ZBTB16: variants seen among roughly 807,000 people sequenced by gnomAD.
ZBTB16 encodes zinc finger and BTB domain-containing protein 16.
Under a neutral mutation model 56.8 loss-of-function variants are expected in ZBTB16, and 8 were observed. That is an observed-to-expected ratio of 0.14 (90% CI 0.08 to 0.25). The LOEUF is 0.25. Ranked by LOEUF, ZBTB16 falls within the 10% of genes least tolerant of loss-of-function variation. The probability of loss-of-function intolerance (pLI) is 1.00; values close to 1 mark genes in which losing one functional copy is unlikely to be tolerated. For synonymous variants in ZBTB16, 363 were observed against 368.5 expected (o/e 0.98, Z 0.17); for missense variants, 625 against 903.0 (o/e 0.69, Z 3.95).
intron 4 of ZBTB16, among the ~76,000 whole-genome samples, chr11:114,222,826 A>G (rs1944255899): frequency 6.6e-6 from 1 of 152,170 alleles, no homozygotes; most frequent in African/African-American, 2.4e-5. Flanking sequence ...TATATCATAT[A>G]TATCACCGTC....
intron 2 of ZBTB16, among the ~76,000 whole-genome samples, chr11:114,107,688 T>C (rs947998189): frequency 6.6e-6 from 1 of 152,206 alleles, no homozygotes; most frequent in Non-Finnish European, 1.5e-5. Context: ...TGTGGAGATA[T>C]ATGCATCTTG....
At chr11:114,175,251 C>A (rs1365227121) in intron 3 of ZBTB16, among the ~76,000 whole-genome samples, 1 of 152,206 alleles carries the variant, frequency 6.6e-6, no homozygotes, top group Non-Finnish European at 1.5e-5. Flanking sequence ...CACTCCTTCC[C>A]TTCCAAGGAA....
intron 2 of ZBTB16, among the ~76,000 whole-genome samples, chr11:114,078,263 G>C (rs1939639169): frequency 6.6e-6 from 1 of 152,226 alleles, no homozygotes; most frequent in South Asian, 2.1e-4. Flanking sequence ...AGATGGGAAA[G>C]GGTGGAGGTT....
At chr11:114,067,244 A>C (rs1279406765) in intron 2 of ZBTB16, among the ~76,000 whole-genome samples, 3 of 151,962 alleles carry the variant, frequency 2.0e-5, no homozygotes, top group African/African-American at 4.8e-5. Flanking sequence ...ATTGGCTCTG[A>C]GTTCTAGTGT....
chr11:114,178,161 T>A lies in ZBTB16; in HGVS notation c.1367-8791T>A, dbSNP rs1349327444. Among the ~76,000 whole-genome samples, 17 of 152,304 alleles carry A rather than the reference T, an allele frequency of 1.1e-4. 1 individual carries two copies. In the East Asian group the frequency reaches 3.3e-3, roughly 29 times the overall value. On this transcript the variant is annotated intron_variant, in intron 3 of 6. Coordinates refer to ENST00000335953, the MANE Select transcript of ZBTB16 (RefSeq NM_006006.6). ...TTTGGCTGGAGAGGTAAGAATATTTTAAATTGCGTGATATATCTCTTGCAT... is the reference window on the plus strand; with the variant it reads ...TTTGGCTGGAGAGGTAAGAATATTTAAAATTGCGTGATATATCTCTTGCAT...
At chr11:114,082,435 A>G (rs1939801102) in intron 2 of ZBTB16, among the ~76,000 whole-genome samples, 2 of 152,214 alleles carry the variant, frequency 1.3e-5, no homozygotes, top group African/African-American at 4.8e-5. Flanking sequence ...GTTGCTCAAT[A>G]AATATAACTG....
At chr11:114,141,194 C>T (rs1400026816) in intron 2 of ZBTB16, among the ~76,000 whole-genome samples, 1 of 152,210 alleles carries the variant, frequency 6.6e-6, no homozygotes, top group Non-Finnish European at 1.5e-5. Context: ...GCCTCCATCA[C>T]ACGGTGCTCC....
At chr11:114,148,432 T>TGTCTGTCC (rs1942185485) in intron 2 of ZBTB16, among the ~76,000 whole-genome samples, 1 of 73,718 alleles carries the variant, frequency 1.4e-5, no homozygotes. Context: ...TCCCTCTCTC[T>TGTCTGTCC]CTCTTTCTCT....
intron 4 of ZBTB16, among the ~76,000 whole-genome samples, chr11:114,224,624 CAA>C (rs747252300): frequency 6.6e-6 from 1 of 151,942 alleles, no homozygotes; most frequent in East Asian, 1.9e-4. Flanking sequence ...GTTTATATAA[CAA>C]GAGAGTATAG....
At chr11:114,090,647 C>T (rs1277045128) in intron 2 of ZBTB16, among the ~76,000 whole-genome samples, 1 of 152,160 alleles carries the variant, frequency 6.6e-6, no homozygotes, top group Non-Finnish European at 1.5e-5. Context: ...TCCTGGGAGA[C>T]TCATTTTAAA....
At chr11:114,156,841 G>A (rs1026891812) in intron 3 of ZBTB16, among the ~76,000 whole-genome samples, 2 of 152,320 alleles carry the variant, frequency 1.3e-5, no homozygotes, top group South Asian at 2.1e-4. Flanking sequence ...TGGTTATAGC[G>A]TGCTGTCTTT....
chr11:114,100,931 A>C (rs534650457), intron 2 of ZBTB16, among the ~76,000 whole-genome samples: 1 of 151,630 alleles, frequency 6.6e-6, no homozygotes, highest in African/African-American at 2.4e-5. Flanking sequence ...TTTAATGAGG[A>C]GATACTCACG....
intron 2 of ZBTB16, among the ~76,000 whole-genome samples, chr11:114,069,147 G>A (rs1939235140): frequency 1.3e-5 from 2 of 152,100 alleles, no homozygotes; most frequent in Admixed American, 6.5e-5. Flanking sequence ...GTGCAGTGGC[G>A]CGATCTCAGC....
rs767961069 is a variant in ZBTB16 at position 114,064,503 on chromosome 11, C to T, written c.1203C>T (p.Thr401=). Residue 401 remains threonine, a synonymous_variant, in exon 2 of 7, where the codon ACC becomes ACT. Coordinates refer to ENST00000335953, the MANE Select transcript of ZBTB16 (RefSeq NM_006006.6). This position sits in a 1 kb window ranked among gnomAD's most constrained non-coding sequence, Gnocchi z 4.2. ...TGGGCATGAAGTCAGAGAGCCGGAC[C>T]ATCGGAGAGCAGTGCAGCGTGTGTG... ...LAVGMKSESR[T]IGEQCSVCGV... The T allele has an allele frequency of 6.2e-7, 1 of 1,614,072 alleles. No homozygotes were observed. The highest frequency in any genetic ancestry group is 1.1e-5 in the South Asian group (1 of 91,072).
At chr11:114,205,348 T>C (rs1375421375) in intron 4 of ZBTB16, among the ~76,000 whole-genome samples, 1 of 150,470 alleles carries the variant, frequency 6.6e-6, no homozygotes, top group Non-Finnish European at 1.5e-5. Flanking sequence ...AGGTGGAGCT[T>C]GCAGTGAGCC....
intron 2 of ZBTB16, among the ~76,000 whole-genome samples, chr11:114,115,241 A>G (rs866789983): frequency 6.6e-6 from 1 of 151,212 alleles, no homozygotes; most frequent in Non-Finnish European, 1.5e-5. Flanking sequence ...GGGACGGTGT[A>G]TGTCCTCCAG....
intron 5 of ZBTB16, among the ~76,000 whole-genome samples, chr11:114,243,358 T>TA (rs560670492): frequency 1.7e-4 from 26 of 152,302 alleles, no homozygotes; most frequent in Admixed American, 4.6e-4. Flanking sequence ...AGAGATTGAG[T>TA]ATGCAGACCA....
chr11:114,186,668 T>C (rs1439727244), intron 3 of ZBTB16, among the ~76,000 whole-genome samples: 1 of 152,062 alleles, frequency 6.6e-6, no homozygotes, highest in Non-Finnish European at 1.5e-5. Flanking sequence ...AGATCCTCCT[T>C]CTTCTTGAGG....
intron 2 of ZBTB16, among the ~76,000 whole-genome samples, chr11:114,147,043 GT>G (rs1448620881): frequency 6.6e-6 from 1 of 152,134 alleles, no homozygotes; most frequent in East Asian, 1.9e-4. Flanking sequence ...CTCTTATCTT[GT>G]GTTCATAATT....
Sources: gnomAD v4.1 joint callset for allele counts (sites outside exome capture counted in the v4.1 genomes callset) on GRCh38, gnomAD v4.1.1 for gene constraint, Gnocchi (gnomAD v3.1) non-coding constraint, MANE v1.5 for transcripts, NCBI Gene and HGNC (gene_info 2026-07-23, HGNC 2026-07-21) for gene names.